THRB: variants seen among roughly 807,000 people sequenced by gnomAD.
THRB encodes the protein nuclear receptor subfamily 1 group A member 2.
In THRB, 12 loss-of-function variants were observed where a neutral mutation model predicts 47.8. The ratio of observed to expected loss-of-function variants is 0.25; its 90% CI spans 0.16 to 0.41. The LOEUF is 0.41. THRB is among the 10% of genes least tolerant of loss of function. The probability of loss-of-function intolerance (pLI) is 1.00; values close to 1 mark genes in which losing one functional copy is unlikely to be tolerated. For missense variants in THRB, 348 were observed against 589.2 expected, an observed-to-expected ratio of 0.59 and a Z score of 4.24; for synonymous variants, 218 against 212.2, an observed-to-expected ratio of 1.03 and a Z score of -0.24.
intron 5 of THRB, among the ~76,000 whole-genome samples, chr3:24,158,433 T>G (rs543190826): frequency 0.035 from 2,858 of 80,860 alleles, 119 homozygotes; most frequent in African/African-American, 0.15. Context: ...TTTTTTTTTT[T>G]GGGGGGAGGG....
intron 2 of THRB, among the ~76,000 whole-genome samples, chr3:24,320,720 G>T (rs142198843): frequency 2.8e-4 from 42 of 152,162 alleles, no homozygotes; most frequent in African/African-American, 9.4e-4. Context: ...ACAAAAAAAG[G>T]GGGAGGACTT....
intron 3 of THRB, among the ~76,000 whole-genome samples, chr3:24,253,872 A>T (rs1053671140): frequency 2.6e-5 from 4 of 152,042 alleles, no homozygotes; most frequent in African/African-American, 9.7e-5. Context: ...CTGTCATCTT[A>T]TGAAGCTATG....
chr3:24,267,300 A>C (rs968894343), intron 3 of THRB, among the ~76,000 whole-genome samples: 4 of 151,964 alleles, frequency 2.6e-5, no homozygotes, highest in Non-Finnish European at 4.4e-5. Flanking sequence ...GAACATAAGG[A>C]TTAGTGTTTC....
chr3:24,417,863 G>A (rs535086160), intron 1 of THRB, among the ~76,000 whole-genome samples: 28 of 151,922 alleles, frequency 1.8e-4, no homozygotes, highest in Middle Eastern at 3.4e-3. Context: ...ATGAGGAAAC[G>A]GGGATTTAGA....
intron 1 of THRB, among the ~76,000 whole-genome samples, chr3:24,489,254 G>GA (rs898701733): frequency 5.1e-4 from 75 of 147,566 alleles, no homozygotes; most frequent in South Asian, 1.5e-3. Flanking sequence ...AAAAAAATAA[G>GA]AAAAAAAAAA....
chr3:24,365,851 A>G (rs907139557), intron 1 of THRB, among the ~76,000 whole-genome samples: 32 of 152,306 alleles, frequency 2.1e-4, no homozygotes, highest in African/African-American at 7.5e-4. Context: ...ATACTAATTC[A>G]TTTAGAGTTT....
Position 24,492,496 on chromosome 3 carries a change from C to T in THRB, c.-261+2156G>A, listed in dbSNP as rs576084325. 3.9e-5 allele frequency among the ~76,000 whole-genome samples: 6 copies of T among 152,166 alleles called. No homozygotes were observed. In the East Asian group the frequency reaches 5.8e-4, roughly 15 times the overall value. On this transcript the variant is annotated intron_variant, in intron 1 of 10. Transcript: ENST00000646209. The stretch of plus-strand genomic sequence containing the variant: ...TTACACTAGAATGAGAAGACCAGGG[C>T]GAAGAAACCAATCACCTTTACTCTG...
rs964843296 is a variant in THRB at position 24,473,888 on chromosome 3, C to T, written c.-261+20764G>A. ...TCACTCATAAGTTGGAGTGGGAACTCATAAGTGGGAACAAAGAGAACACAT... is the reference window on the plus strand; with the variant it reads ...TCACTCATAAGTTGGAGTGGGAACTTATAAGTGGGAACAAAGAGAACACAT... On this transcript the variant is annotated intron_variant, in intron 1 of 10. Transcript: ENST00000646209. 2.0e-5 allele frequency among the ~76,000 whole-genome samples: 3 copies of T among 152,128 alleles called. No homozygotes were observed. The South Asian group carries it at 6.3e-4, about 32-fold the overall frequency.
At chr3:24,332,659 A>G (rs2061998216) in intron 2 of THRB, among the ~76,000 whole-genome samples, 1 of 152,178 alleles carries the variant, frequency 6.6e-6, no homozygotes, top group Non-Finnish European at 1.5e-5. Flanking sequence ...TAAAAATAAT[A>G]TACACATTGG....
intron 1 of THRB, among the ~76,000 whole-genome samples, chr3:24,388,197 A>G (rs753394560): frequency 2.1e-4 from 32 of 152,096 alleles, no homozygotes; most frequent in Non-Finnish European, 4.4e-4. Flanking sequence ...ATGCCAAGGT[A>G]TAAAGGCCCA....
chr3:24,233,440 TAGTG>T (rs1017379008), intron 3 of THRB, among the ~76,000 whole-genome samples: 1 of 139,724 alleles, frequency 7.2e-6, no homozygotes, highest in African/African-American at 2.7e-5. Flanking sequence ...CTGGTCAACA[TAGTG>T]AGACCCTGTC....
At chr3:24,205,839 G>A (rs1289915881) in intron 4 of THRB, among the ~76,000 whole-genome samples, 4 of 152,172 alleles carry the variant, frequency 2.6e-5, no homozygotes, top group South Asian at 2.1e-4. Flanking sequence ...AAAAAAGGCA[G>A]AGGTTGCAAT....
At chr3:24,222,511 C>G (rs929168499) in intron 4 of THRB, among the ~76,000 whole-genome samples, 1 of 152,056 alleles carries the variant, frequency 6.6e-6, no homozygotes, top group African/African-American at 2.4e-5. Context: ...GGGTTTTAGC[C>G]TCTGGGGAGA....
intron 4 of THRB, 43 bp downstream of exon 4, chr3:24,228,894 CA>C: frequency 6.4e-7 from 1 of 1,573,908 alleles, no homozygotes; most frequent in Non-Finnish European, 8.7e-7. Context: ...CTAGGTGGAA[CA>C]AAAATGGAGG....
chr3:24,313,808 C>T (rs2057927397), intron 2 of THRB, among the ~76,000 whole-genome samples: 1 of 151,620 alleles, frequency 6.6e-6, no homozygotes, highest in Non-Finnish European at 1.5e-5. Context: ...AAAAAAACAA[C>T]TTTAAGATAC....
chr3:24,457,596 C>T (rs1277508760), intron 1 of THRB, among the ~76,000 whole-genome samples: 1 of 152,160 alleles, frequency 6.6e-6, no homozygotes, highest in Admixed American at 6.5e-5. Flanking sequence ...GAACAGAAAC[C>T]ACAGGTTTAA....
intron 1 of THRB, among the ~76,000 whole-genome samples, chr3:24,426,037 T>C (rs757444455): frequency 3.3e-5 from 5 of 151,882 alleles, no homozygotes; most frequent in Admixed American, 6.6e-5. Flanking sequence ...TGTATAATGA[T>C]GAAAATAATA....
At chr3:24,485,827 A>G (rs1248817772) in intron 1 of THRB, among the ~76,000 whole-genome samples, 1 of 152,192 alleles carries the variant, frequency 6.6e-6, no homozygotes, top group Non-Finnish European at 1.5e-5. Flanking sequence ...CATTGGACTT[A>G]CAAATATTTT....
chr3:24,333,696 C>T (rs553363749), intron 2 of THRB, among the ~76,000 whole-genome samples: 1 of 152,282 alleles, frequency 6.6e-6, no homozygotes, highest in African/African-American at 2.4e-5. Flanking sequence ...TTCTTTTTCA[C>T]GTATGATTCA....
Sources: gnomAD v4.1 joint callset for allele counts (sites outside exome capture counted in the v4.1 genomes callset) on GRCh38, gnomAD v4.1.1 for gene constraint, MANE v1.5 for transcripts, NCBI Gene and HGNC (gene_info 2026-07-23, HGNC 2026-07-21) for gene names.